The following CEP128 variants were observed in gnomAD, a reference collection of about 807,000 sequenced individuals.
CEP128 encodes centrosomal protein 128.
CEP128 carries 132 observed loss-of-function variants against 156.7 expected under a neutral mutation model. That is an observed-to-expected ratio of 0.84 (90% CI 0.73 to 0.97). The LOEUF is 0.97. CEP128 is among the 50% of genes least tolerant of loss of function. The probability of loss-of-function intolerance (pLI) is 0.00; values close to 1 mark genes in which losing one functional copy is unlikely to be tolerated. For missense variants in CEP128, 1,252 were observed against 1,281.9 expected (o/e 0.98, Z 0.36); for synonymous variants, 469 against 448.9 (o/e 1.04, Z -0.57).
chr14:80,922,032 T>C (rs1884896364), intron 2 of CEP128, among the ~76,000 whole-genome samples: 1 of 150,858 alleles, frequency 6.6e-6, no homozygotes, highest in South Asian at 2.1e-4. Context: ...TTAATGCAAA[T>C]GGAGTATAAT....
In CEP128 at chr14:80,761,598, T is replaced by A. The variant is rs753612391; in HGVS notation, c.2392A>T (p.Ile798Phe). ...ATCCTCCTTAAGTGCTCCTCTTCAA[T>A]GCTTATATGTTTTTCCTAAGGCATT... ...QLEEREKHISIEEEHLRRMEE... is the reference protein window; with the variant it reads ...QLEEREKHISFEEEHLRRMEE... Residue 798 changes from isoleucine (I) to phenylalanine (F), a missense_variant, in exon 17 of 25, where the codon ATT becomes TTT. Physicochemically the swap from Ile to Phe is conservative, Grantham distance 21 (BLOSUM62 0). Coordinates refer to ENST00000555265, the MANE Select transcript of CEP128 (RefSeq NM_152446.5). The A allele has an allele frequency of 6.3e-7, 1 of 1,594,392 alleles. No homozygotes were observed. The highest frequency in any genetic ancestry group is 1.1e-5 in the South Asian group (1 of 87,870).
downstream of CEP128, among the ~76,000 whole-genome samples, chr14:80,488,698 G>T (rs995335535): frequency 1.3e-5 from 2 of 151,986 alleles, no homozygotes; most frequent in Non-Finnish European, 2.9e-5. Context: ...TGTTTATTGC[G>T]GCACTATTCA....
chr14:80,540,514 G>A (rs1290229902), intron 21 of CEP128, among the ~76,000 whole-genome samples: 2 of 152,190 alleles, frequency 1.3e-5, no homozygotes, highest in Non-Finnish European at 2.9e-5. Context: ...GCCAGGTGAG[G>A]CCAAAGATGT....
chr14:80,513,963 T>G (rs556066489), intron 23 of CEP128, among the ~76,000 whole-genome samples: 179 of 152,190 alleles, frequency 1.2e-3, no homozygotes, highest in Middle Eastern at 3.4e-3. Flanking sequence ...CTAGCACCTT[T>G]TAACGATCTG....
chr14:80,697,056 G>T (rs1896916290), intron 19 of CEP128, among the ~76,000 whole-genome samples: 1 of 152,098 alleles, frequency 6.6e-6, no homozygotes, highest in African/African-American at 2.4e-5. Flanking sequence ...AGTAGACGGT[G>T]TACATCATCT....
chr14:80,710,295 A>G (rs1406773697), intron 19 of CEP128, among the ~76,000 whole-genome samples: 1 of 152,136 alleles, frequency 6.6e-6, no homozygotes. Context: ...TTCTCATGAG[A>G]AATATCACAA....
rs140308292 is a variant in CEP128 at position 80,825,000 on chromosome 14, G to A, written c.1209+6143C>T. Among the ~76,000 whole-genome samples, 68 of 152,274 alleles carry A rather than the reference G, an allele frequency of 4.5e-4. No individual in the cohort carries two copies. In the East Asian group the frequency reaches 8.9e-3, roughly 20 times the overall value. Reference sequence around the variant, plus strand: ...TGGCTGGGGGAGCTTCAGAGTCATCGCGGAAGGTGAAAGGCATGTCTTACA... The same window carrying A: ...TGGCTGGGGGAGCTTCAGAGTCATCACGGAAGGTGAAAGGCATGTCTTACA... On this transcript the variant is annotated intron_variant, in intron 13 of 24. Transcript: ENST00000555265.
chr14:80,487,202 CA>C (rs1184661487), downstream of CEP128, among the ~76,000 whole-genome samples: 2 of 151,242 alleles, frequency 1.3e-5, no homozygotes, highest in Admixed American at 1.3e-4. Context: ...AAATGGAAAA[CA>C]AAAAAAGGCA....
chr14:80,799,737 C>A (rs746211573), intron 13 of CEP128, among the ~76,000 whole-genome samples: 5 of 152,118 alleles, frequency 3.3e-5, no homozygotes, highest in East Asian at 1.9e-4. Flanking sequence ...TCCTGCAGTA[C>A]CCTCAGGCTT....
intron 19 of CEP128, among the ~76,000 whole-genome samples, chr14:80,637,339 G>A (rs75669501): frequency 0.059 from 8,958 of 152,134 alleles, 293 homozygotes; most frequent in African/African-American, 0.084. Context: ...ATGACCTAAT[G>A]TAATCAGGAA....
chr14:80,843,967 A>G (rs140999978), intron 9 of CEP128, among the ~76,000 whole-genome samples: 1 of 152,122 alleles, frequency 6.6e-6, no homozygotes, highest in Non-Finnish European at 1.5e-5. Flanking sequence ...ATACAGCAGG[A>G]TTTTATTGCT....
intron 19 of CEP128, among the ~76,000 whole-genome samples, chr14:80,620,545 A>T (rs570954313): frequency 6.6e-6 from 1 of 152,358 alleles, no homozygotes; most frequent in East Asian, 1.9e-4. Context: ...GACAGAAGAT[A>T]GCAGCAACAA....
intron 19 of CEP128, among the ~76,000 whole-genome samples, chr14:80,614,101 T>C (rs1042169366): frequency 1.3e-5 from 2 of 151,460 alleles, no homozygotes; most frequent in East Asian, 1.9e-4. Flanking sequence ...GAATGACATA[T>C]AAAAATTAAC....
chr14:80,850,251 GTTAA>G (rs926606294), intron 9 of CEP128, among the ~76,000 whole-genome samples: 4 of 152,126 alleles, frequency 2.6e-5, no homozygotes, highest in African/African-American at 9.7e-5. Context: ...ATAACAGACA[GTTAA>G]TTAGATTTTT....
intron 13 of CEP128, among the ~76,000 whole-genome samples, chr14:80,808,101 C>A (rs1460026766): frequency 6.6e-6 from 1 of 152,236 alleles, no homozygotes; most frequent in African/African-American, 2.4e-5. Flanking sequence ...GTGGCACAAA[C>A]TCTATGCTTG....
intron 19 of CEP128, among the ~76,000 whole-genome samples, chr14:80,673,188 A>G (rs954693924): frequency 1.3e-5 from 2 of 152,242 alleles, no homozygotes; most frequent in East Asian, 3.8e-4. Context: ...ACATAATTGT[A>G]AAGCATTTTA....
chr14:80,801,352 A>G (rs912540824), intron 13 of CEP128, among the ~76,000 whole-genome samples: 1 of 151,206 alleles, frequency 6.6e-6, no homozygotes, highest in Non-Finnish European at 1.5e-5. Flanking sequence ...TTGCCCATTC[A>G]ATATGATATT....
At chr14:80,943,560 C>G (rs1314261523), upstream of CEP128, among the ~76,000 whole-genome samples, 1 of 152,200 alleles carries the variant, frequency 6.6e-6, no homozygotes, top group Non-Finnish European at 1.5e-5. Flanking sequence ...TTACAGGACA[C>G]AACTGGGACC....
At chr14:80,493,098 A>T (rs1415995584), downstream of CEP128, among the ~76,000 whole-genome samples, 2 of 152,186 alleles carry the variant, frequency 1.3e-5, no homozygotes, top group Non-Finnish European at 2.9e-5. Flanking sequence ...ATGCCAGTCA[A>T]ACTGCTTCAC....
Sources: gnomAD v4.1 joint callset for allele counts (sites outside exome capture counted in the v4.1 genomes callset) on GRCh38, gnomAD v4.1.1 for gene constraint, MANE v1.5 for transcripts, NCBI Gene and HGNC (gene_info 2026-07-23, HGNC 2026-07-21) for gene names.